The following IGF2R variants were observed in gnomAD, a reference collection of about 807,000 sequenced individuals.
The protein encoded by IGF2R is cation-independent mannose-6-phosphate receptor.
In IGF2R, 91 loss-of-function variants were observed where a neutral mutation model predicts 270.6. That is an observed-to-expected ratio of 0.34 (90% CI 0.28 to 0.40). IGF2R has a LOEUF of 0.40. IGF2R is among the 10% of genes least tolerant of loss of function. IGF2R has a pLI of 1.00. For synonymous variants in IGF2R, 1,316 were observed against 1,258.9 expected (o/e 1.05, Z -0.96); for missense variants, 2,805 against 3,188.3 (o/e 0.88, Z 2.90).
Position 159,998,758 on chromosome 6 carries a change from T to C in IGF2R, c.289+7435T>C, listed in dbSNP as rs1784087625. On this transcript the variant is annotated intron_variant, in intron 2 of 47. Coordinates refer to ENST00000356956, the MANE Select transcript of IGF2R (RefSeq NM_000876.4). The surrounding 1 kb of genome is among the most constrained non-coding windows in gnomAD (Gnocchi z 4.1). Reference sequence around the variant, plus strand: ...CCCTTTCTTCAACTGGAGAGAGCAGTTTGTATGAGTCAATGAGAGTGACAT... The same window carrying C: ...CCCTTTCTTCAACTGGAGAGAGCAGCTTGTATGAGTCAATGAGAGTGACAT... Among the ~76,000 whole-genome samples the C allele has an allele frequency of 6.6e-6, 1 of 152,190 alleles. No homozygotes were observed. The highest frequency in any genetic ancestry group is 2.1e-4 in the South Asian group (1 of 4,822).
rs1007317503 is a variant in IGF2R at position 159,969,255 on chromosome 6, C to A, written c.9C>A (p.Ala3=). ...AGTCCGGGCCCGGCGCGATGGGGGC[C>A]GCCGCCGGCCGGAGCCCCCACCTGG... MG[A]AAGRSPHLGP... is the part of the protein sequence containing the mutation. Residue 3 remains alanine (A), a synonymous_variant, in exon 1 of 48, where the codon GCC becomes GCA. Transcript: ENST00000356956. 1 of 1,059,574 alleles carries A rather than the reference C, an allele frequency of 9.4e-7. No individual in the cohort carries two copies. The highest frequency in any genetic ancestry group is 1.1e-6 in the Non-Finnish European group (1 of 881,544). The allele number at this position is 1,059,574 out of a possible 1,614,324, so 65.6% of individuals were successfully genotyped here.
In IGF2R at chr6:160,004,454, G is replaced by C. The variant is rs893434191; in HGVS notation, c.290-4556G>C. 1 of 152,884 alleles carries C rather than the reference G, an allele frequency of 6.5e-6. No individual in the cohort carries two copies. Among genetic ancestry groups the C allele is most frequent in the African/African-American group, 2.4e-5 (1 of 41,350 alleles). 9.5% of individuals were successfully genotyped at this position (152,884 alleles called of 1,614,324 possible). A position where few individuals can be genotyped will look rare whatever the true frequency, so the allele number is the denominator to read the frequency against. On this transcript the variant is annotated intron_variant, in intron 2 of 47. Coordinates refer to ENST00000356956, the MANE Select transcript of IGF2R (RefSeq NM_000876.4). The surrounding 1 kb of genome is among the most constrained non-coding windows in gnomAD (Gnocchi z 5.2). ...GCCTGGCATGGTGGTACCCTTGAGA[G>C]CGTGGCCTAGAGGGCTCCGAGGTGC... is the stretch of plus-strand genomic sequence containing the variant.
intron 11 of IGF2R, among the ~76,000 whole-genome samples, chr6:160,042,432 C>T (rs746334275): frequency 2.0e-5 from 3 of 152,178 alleles, no homozygotes; most frequent in African/African-American, 4.8e-5. Context: ...TATATCTTTA[C>T]CTCCTCCTTG....
chr6:160,060,913 G>T (rs1778425654), intron 23 of IGF2R, among the ~76,000 whole-genome samples, 196 bp downstream of exon 23: 1 of 152,164 alleles, frequency 6.6e-6, no homozygotes, highest in African/African-American at 2.4e-5. Flanking sequence ...TTCTTGAAGA[G>T]AATCTGACTA....
At chr6:160,069,020 G>A (rs1448757879) in intron 30 of IGF2R, among the ~76,000 whole-genome samples, 1 of 152,154 alleles carries the variant, frequency 6.6e-6, no homozygotes, top group Non-Finnish European at 1.5e-5. Flanking sequence ...CCATGGTGAG[G>A]AATCCTTCTT....
chr6:160,085,243 C>G, intron 41 of IGF2R, 112 bp downstream of exon 41: 9 of 1,142,312 alleles, frequency 7.9e-6, no homozygotes, highest in Non-Finnish European at 1.1e-5. Flanking sequence ...TGGAAACCTC[C>G]AGATATGATT....
intron 4 of IGF2R, among the ~76,000 whole-genome samples, chr6:160,014,723 T>A (rs1241944174): frequency 3.3e-5 from 5 of 152,230 alleles, no homozygotes; most frequent in Non-Finnish European, 7.3e-5. Flanking sequence ...CCTCTTGGGT[T>A]AATGTTTTCA....
chr6:160,008,264 T>G (rs1189974632), intron 2 of IGF2R, among the ~76,000 whole-genome samples: 3 of 152,042 alleles, frequency 2.0e-5, no homozygotes, highest in African/African-American at 7.3e-5. Flanking sequence ...ACTATTTTGT[T>G]TCCAGTTCCG....
At chr6:159,994,176 A>G (rs1446844115) in intron 2 of IGF2R, among the ~76,000 whole-genome samples, 1 of 151,058 alleles carries the variant, frequency 6.6e-6, no homozygotes, top group Non-Finnish European at 1.5e-5. Flanking sequence ...TTCCGATTCA[A>G]TCTTGGGAGG....
rs59215791 is a variant in IGF2R, at chr6:160,000,728, G to GTTTTTTTT, written c.290-8264_290-8257dup. Among the ~76,000 whole-genome samples the GTTTTTTTT allele has an allele frequency of 4.1e-4, 29 of 69,962 alleles. 1 individual carries two copies. The highest frequency in any genetic ancestry group is 0.014 in the Middle Eastern group (1 of 70). 45.9% of individuals were successfully genotyped at this position (69,962 alleles called of 152,430 possible). A position where few individuals can be genotyped will look rare whatever the true frequency, so the allele number is the denominator to read the frequency against. ...GGAAGATAATAGTTGGTGTGAGGTT[G>GTTTTTTTT]TTTTTTTTTTTTTTTTTTTTTTTTT... On this transcript the variant is annotated intron_variant, in intron 2 of 47. Coordinates refer to ENST00000356956, the MANE Select transcript of IGF2R (RefSeq NM_000876.4).
Position 160,012,763 on chromosome 6 carries a change from ATTTTT to A in IGF2R, c.513+1989_513+1993del, listed in dbSNP as rs370417751. On this transcript the variant is annotated intron_variant, in intron 4 of 47. Coordinates refer to ENST00000356956, the MANE Select transcript of IGF2R (RefSeq NM_000876.4). ...GGCTAATTTATATATATATATATAT[ATTTTT>A]TTTTTTTTTTGTTTGTTTGTTTGTT... Among the ~76,000 whole-genome samples the A allele has an allele frequency of 1.2e-4, 15 of 128,062 alleles. 1 individual carries two copies. The highest frequency in any genetic ancestry group is 2.9e-4 in the East Asian group (1 of 3,504). The allele number at this position is 128,062 out of a possible 152,430, so 84.0% of individuals were successfully genotyped here. A position where few individuals can be genotyped will look rare whatever the true frequency, so the allele number is the denominator to read the frequency against.
rs1181541985 is a variant in IGF2R at position 159,969,301 on chromosome 6, C to G, written c.55C>G (p.Pro19Ala). 2.4e-6 allele frequency: 3 copies of G among 1,253,146 alleles called. No individual in the cohort carries two copies. In the African/African-American group the frequency reaches 4.7e-5, roughly 20 times the overall value. The allele number at this position is 1,253,146 out of a possible 1,614,324, so 77.6% of individuals were successfully genotyped here. ...CCTGGGGCCCGCGCCCGCCCGCCGCCCGCAGCGCTCTCTGCTCCTGCTGCA... is the reference window on the plus strand; with the variant it reads ...CCTGGGGCCCGCGCCCGCCCGCCGCGCGCAGCGCTCTCTGCTCCTGCTGCA... ...PHLGPAPARRPQRSLLLLQLL... is the reference protein window; with the variant it reads ...PHLGPAPARRAQRSLLLLQLL... The change falls in exon 1 of 48, where the codon CCG becomes GCG. Residue 19 changes from proline (P) to alanine (A), a missense_variant. Pro to Ala is a conservative substitution (Grantham distance 27). This residue lies in a region of IGF2R where 954 missense variants were observed against 981.1 expected (regional missense o/e 0.97). Transcript: ENST00000356956.
chr6:160,070,129 C>G, intron 31 of IGF2R, 71 bp downstream of exon 31: 1 of 1,413,438 alleles, frequency 7.1e-7, no homozygotes. Context: ...GGCGGTGAGC[C>G]GCACGTCCTC....
rs531021615 is a variant in IGF2R at position 159,998,692 on chromosome 6, G to A, written c.289+7369G>A. 3.9e-4 allele frequency among the ~76,000 whole-genome samples: 59 copies of A among 152,274 alleles called. No homozygotes were observed. The highest frequency in any genetic ancestry group is 7.2e-4 in the Admixed American group (11 of 15,288). ...TTTCCCAGAGCTTGAAACTTCCAGA[G>A]GGAGTCATCATATATACTTTCAGGA... On this transcript the variant is annotated intron_variant, in intron 2 of 47. Transcript: ENST00000356956. This position sits in a 1 kb window ranked among gnomAD's most constrained non-coding sequence, Gnocchi z 4.1.
chr6:160,055,476 T>A (rs1778291977), intron 19 of IGF2R, among the ~76,000 whole-genome samples: 1 of 152,190 alleles, frequency 6.6e-6, no homozygotes, highest in Admixed American at 6.5e-5. Flanking sequence ...GGGTTTGCAG[T>A]CACAGAACTT....
intron 4 of IGF2R, among the ~76,000 whole-genome samples, chr6:160,011,250 C>G (rs1784328868): frequency 1.3e-5 from 2 of 152,164 alleles, no homozygotes; most frequent in Admixed American, 1.3e-4. Context: ...CTGTCCCTCT[C>G]CTCAGCCTTG....
chr6:160,080,949 C>G (rs1183145323), intron 39 of IGF2R, among the ~76,000 whole-genome samples: 2 of 140,704 alleles, frequency 1.4e-5, no homozygotes, highest in African/African-American at 5.5e-5. Context: ...AACCCCGTCT[C>G]TACTAAAAAT....
In IGF2R at chr6:160,090,080, A is replaced by C. The variant is rs763527698; in HGVS notation, c.6632A>C (p.Asp2211Ala). ...TTCAGTCGGAAAGTTGGAACCTCTGACAAGACCAAGTACTACCTTCAAGGT... is the reference window on the plus strand; with the variant it reads ...TTCAGTCGGAAAGTTGGAACCTCTGCCAAGACCAAGTACTACCTTCAAGGT... The part of the protein sequence containing the change: ...QHFSRKVGTS[D>A]KTKYYLQDGD... The change falls in exon 44 of 48, where the codon GAC becomes GCC. Residue 2211 changes from aspartate to alanine, a missense_variant. Physicochemically the swap from Asp to Ala is moderately radical, Grantham distance 126. This residue lies in a region of IGF2R where 1,851 missense variants were observed against 2,207.2 expected (regional missense o/e 0.84). Transcript: ENST00000356956. 6.4e-6 allele frequency: 10 copies of C among 1,566,040 alleles called. No individual in the cohort carries two copies. In the African/African-American group the frequency reaches 1.4e-4, roughly 22 times the overall value.
intron 2 of IGF2R, among the ~76,000 whole-genome samples, chr6:159,996,666 A>G (rs961160473): frequency 6.6e-6 from 1 of 152,154 alleles, no homozygotes; most frequent in South Asian, 2.1e-4. Context: ...AATATTCAGA[A>G]CATGAGAATA....
Sources: gnomAD v4.1 joint callset for allele counts (sites outside exome capture counted in the v4.1 genomes callset) on GRCh38, gnomAD v4.1.1 for gene constraint, gnomAD v4.1.1 regional missense constraint, Gnocchi (gnomAD v3.1) non-coding constraint, MANE v1.5 for transcripts, NCBI Gene and HGNC (gene_info 2026-07-23, HGNC 2026-07-21) for gene names.